VPS29: variants seen among roughly 807,000 people sequenced by gnomAD.
VPS29 encodes VPS29 retromer complex component, also known as vacuolar protein sorting-associated protein 29.
Under a neutral mutation model 20.0 loss-of-function variants are expected in VPS29, and 2 were observed. That is an observed-to-expected ratio of 0.10 (90% confidence interval 0.04 to 0.31). The LOEUF (loss-of-function observed/expected upper bound fraction) is 0.31. Among genes scored for constraint, VPS29 ranks in the 10% least tolerant of loss-of-function variants. The pLI, the probability that VPS29 is intolerant of heterozygous loss-of-function variation, is 1.00. For synonymous variants in VPS29, 81 were observed against 79.3 expected, an observed-to-expected ratio of 1.02 and a Z score of -0.12; for missense variants, 120 against 215.3, an observed-to-expected ratio of 0.56 and a Z score of 2.77.
intron 1 of VPS29, among the ~76,000 whole-genome samples, chr12:110,501,198 T>C (rs1006357140): frequency 1.3e-5 from 2 of 151,934 alleles, no homozygotes; most frequent in Non-Finnish European, 2.9e-5. Flanking sequence ...AAAGAAAATA[T>C]GATTACAGCT....
intron 1 of VPS29, chr12:110,501,688 T>C: frequency 7.0e-7 from 1 of 1,438,452 alleles, no homozygotes; most frequent in Non-Finnish European, 9.4e-7. Flanking sequence ...GTAGGAACCG[T>C]CTGGAAACGG....
chr12:110,501,564 A>G lies in VPS29; in HGVS notation c.3+485T>C, dbSNP rs1390636807. ...AGGGTGGTTTATTCCCTTTCCCTAG[A>G]TGGCAAAGTTAAACGGGTACGAAAT... On this transcript the variant is annotated intron_variant, in intron 1 of 3. Transcript: ENST00000549578. The G allele has an allele frequency of 2.0e-6, 3 of 1,535,300 alleles. No homozygotes were observed. The Admixed American group carries it at 5.9e-5, about 30-fold the overall frequency.
chr12:110,492,339 G>C (rs1435459805), intron 3 of VPS29, among the ~76,000 whole-genome samples: 3 of 152,188 alleles, frequency 2.0e-5, no homozygotes. Flanking sequence ...GGAGGCTGAG[G>C]TGGGTGGATC....
At chr12:110,494,543 C>T (rs573291886) in intron 2 of VPS29, among the ~76,000 whole-genome samples, 305 of 151,830 alleles carry the variant, frequency 2.0e-3, no homozygotes, top group Non-Finnish European at 3.6e-3. Context: ...CGTGAGCCAC[C>T]GCACCCGGCC....
chr12:110,496,288 G>A, intron 1 of VPS29, 85 bp from the exon 2 acceptor site: 1 of 1,247,502 alleles, frequency 8.0e-7, no homozygotes, highest in Non-Finnish European at 1.1e-6. Context: ...CCCCTTTTAA[G>A]TCTCATAAGA....
intron 2 of VPS29, 129 bp from the exon 3 acceptor site, chr12:110,493,360 A>AC: frequency 1.6e-6 from 1 of 624,128 alleles, no homozygotes; most frequent in Non-Finnish European, 2.4e-6. Context: ...ACACATTTAT[A>AC]CATTTTTTTT....
chr12:110,500,326 T>C (rs1280334348), intron 1 of VPS29, among the ~76,000 whole-genome samples: 3 of 152,220 alleles, frequency 2.0e-5, no homozygotes, highest in Non-Finnish European at 4.4e-5. Flanking sequence ...CTATTTCATA[T>C]GAAAAATGAT....
intron 1 of VPS29, among the ~76,000 whole-genome samples, chr12:110,497,201 TTC>T (rs1469520622): frequency 3.2e-4 from 45 of 140,340 alleles, no homozygotes; most frequent in African/African-American, 9.6e-4. Context: ...ATTTAAAAAT[TTC>T]TTTCTTTTTT....
intron 3 of VPS29, among the ~76,000 whole-genome samples, chr12:110,492,360 A>G (rs896065834): frequency 1.3e-5 from 2 of 152,172 alleles, no homozygotes; most frequent in Non-Finnish European, 2.9e-5. Context: ...ACCTGAGGTC[A>G]GGAGTTCAAT....
chr12:110,496,991 A>G (rs1225186890), intron 1 of VPS29: 1 of 152,140 alleles, frequency 6.6e-6, no homozygotes, highest in Admixed American at 6.6e-5. Flanking sequence ...TATCCTCGGT[A>G]TAGTTCCCCA....
chr12:110,494,108 C>A (rs2062860838), intron 2 of VPS29, among the ~76,000 whole-genome samples: 1 of 151,954 alleles, frequency 6.6e-6, no homozygotes, highest in Admixed American at 6.6e-5. Flanking sequence ...CTCCATGCCA[C>A]CTTTAAATTT....
intron 1 of VPS29, chr12:110,499,538 G>C (rs1301143375): frequency 6.2e-7 from 1 of 1,612,278 alleles, no homozygotes; most frequent in East Asian, 2.2e-5. Flanking sequence ...AACTTACTCT[G>C]TGCCCAGCCT....
rs71083128 is a variant in VPS29, at chr12:110,497,207, C to CTTTT, written c.4-1008_4-1005dup. Among the ~76,000 whole-genome samples the CTTTT allele has an allele frequency of 8.2e-4, 63 of 77,200 alleles. 1 individual carries two copies. The highest frequency in any genetic ancestry group is 1.5e-3 in the African/African-American group (28 of 19,284). The allele number at this position is 77,200 out of a possible 152,430, so 50.6% of individuals were successfully genotyped here. A position where few individuals can be genotyped will look rare whatever the true frequency, so the allele number is the denominator to read the frequency against. ...AAAATTTTAATTTAAAAATTTCTTT[C>CTTTT]TTTTTTTTTTTTTTTTTTTTTTTTT... On this transcript the variant is annotated intron_variant, in intron 1 of 3. Transcript: ENST00000549578.
At position 110,493,249 on chromosome 12, in the gene VPS29, C is replaced by T. The variant is rs56017652; in HGVS notation, c.196-18G>A. The stretch of plus-strand genomic sequence containing the variant: ...TTCAGATTCTAACATAAGAAAAAGA[C>T]GTAAGAAAATATGTATTTTAGAGAT... On this transcript the variant is annotated intron_variant, in intron 2 of 3. Coordinates refer to ENST00000549578, the MANE Select transcript of VPS29 (RefSeq NM_016226.5). The T allele has an allele frequency of 0.095, 136,996 of 1,439,454 alleles. 8,120 individuals are homozygous for T. The highest frequency in any genetic ancestry group is 0.28 in the African/African-American group (19,090 of 69,010). 89.2% of individuals were successfully genotyped at this position (1,439,454 alleles called of 1,614,324 possible). A position where few individuals can be genotyped will look rare whatever the true frequency, so the allele number is the denominator to read the frequency against.
At chr12:110,499,500 A>T (rs1206870647) in intron 1 of VPS29, 1 of 1,612,158 alleles carries the variant, frequency 6.2e-7, no homozygotes, top group Admixed American at 1.7e-5. Context: ...CCACCCAACC[A>T]CCACTGTTAG....
At chr12:110,493,376 T>C in intron 2 of VPS29, 145 bp from the exon 3 acceptor site, 1 of 542,232 alleles carries the variant, frequency 1.8e-6, no homozygotes, top group South Asian at 5.4e-5. Flanking sequence ...TTTTTTTTTT[T>C]TGAGACAGAG....
intron 1 of VPS29, among the ~76,000 whole-genome samples, chr12:110,497,964 G>T (rs977848612): frequency 6.7e-6 from 1 of 149,322 alleles, no homozygotes; most frequent in African/African-American, 2.5e-5. Context: ...AAGGACAACA[G>T]AATCGATTTT....
Position 110,492,126 on chromosome 12 carries a change from G to A in VPS29, c.432-4C>T, listed in dbSNP as rs780159203. On this transcript the variant is annotated splice_polypyrimidine_tract_variant and splice_region_variant and intron_variant, in intron 3 of 3. Coordinates refer to ENST00000549578, the MANE Select transcript of VPS29 (RefSeq NM_016226.5). ...CACAAATGATGGAATAATGTTTCTA[G>A]AAGAAAAAATAAATAATGTCAGTGT... is the stretch of plus-strand genomic sequence containing the variant. 1.3e-6 allele frequency: 2 copies of A among 1,597,748 alleles called. No homozygotes were observed. Among genetic ancestry groups the A allele is most frequent in the Non-Finnish European group, 8.6e-7 (1 of 1,169,108 alleles).
Position 110,501,108 on chromosome 12 carries a change from GGCGGCATTGCAGTGAGCCGAGATC to G in VPS29, c.3+917_3+940del, listed in dbSNP as rs1229041112. 3.3e-5 allele frequency among the ~76,000 whole-genome samples: 5 copies of G among 152,116 alleles called. No individual in the cohort carries two copies. In the South Asian group the frequency reaches 8.3e-4, roughly 25 times the overall value. On this transcript the variant is annotated intron_variant, in intron 1 of 3. Coordinates refer to ENST00000549578, the MANE Select transcript of VPS29 (RefSeq NM_016226.5). ...AGGCAGGAGCTGAGGCTTGAACCCG[GGCGGCATTGCAGTGAGCCGAGATC>G]GCGGCATTGCACTCCAGCCTGGGCG...
Sources: gnomAD v4.1 joint callset for allele counts (sites outside exome capture counted in the v4.1 genomes callset) on GRCh38, gnomAD v4.1.1 for gene constraint, MANE v1.5 for transcripts, NCBI Gene and HGNC (gene_info 2026-07-23, HGNC 2026-07-21) for gene names.